Variants in UBE2F observed in about 807,000 individuals in gnomAD.
UBE2F encodes the protein ubiquitin conjugating enzyme E2 F (putative).
A neutral mutation model predicts 29.6 loss-of-function variants in UBE2F; 5 were observed. The observed-to-expected ratio is 0.17, with a 90% CI of 0.09 to 0.36. The LOEUF is 0.36. Ranked by LOEUF, UBE2F falls within the 10% of genes least tolerant of loss-of-function variation. The pLI, the probability that UBE2F is intolerant of heterozygous loss-of-function variation, is 1.00. For missense variants in UBE2F, 141 were observed against 228.5 expected (o/e 0.62, Z 2.47); for synonymous variants, 66 against 81.8 (o/e 0.81, Z 1.04).
chr2:237,997,336 T>C (rs2063712323), intron 4 of UBE2F, among the ~76,000 whole-genome samples: 1 of 152,266 alleles, frequency 6.6e-6, no homozygotes, highest in Admixed American at 6.5e-5. Context: ...CATTGAGCTG[T>C]GCACAGCATG....
chr2:238,034,055 C>T (rs1449183629), intron 8 of UBE2F, among the ~76,000 whole-genome samples: 5 of 151,884 alleles, frequency 3.3e-5, no homozygotes, highest in Admixed American at 3.3e-4. Context: ...CTCCTTGGCT[C>T]TGAATAGGTT....
intron 1 of UBE2F, among the ~76,000 whole-genome samples, chr2:237,969,410 C>T (rs1244895796): frequency 6.6e-6 from 1 of 152,190 alleles, no homozygotes; most frequent in Non-Finnish European, 1.5e-5. Flanking sequence ...GGCCCTGGTG[C>T]TTGCTGTTCT....
At chr2:238,039,945 G>A (rs1401312216) in intron 9 of UBE2F, among the ~76,000 whole-genome samples, 3 of 152,196 alleles carry the variant, frequency 2.0e-5, no homozygotes, top group Non-Finnish European at 4.4e-5. Flanking sequence ...TTGTGGAAAT[G>A]GCCTTGAGAA....
At chr2:237,971,960 T>C (rs1284667466) in intron 1 of UBE2F, among the ~76,000 whole-genome samples, 2 of 152,168 alleles carry the variant, frequency 1.3e-5, no homozygotes, top group African/African-American at 4.8e-5. Flanking sequence ...AAATAAAATC[T>C]TAAACAAATT....
chr2:238,041,173 G>T, intron 9 of UBE2F, 115 bp from the exon 10 acceptor site: 2 of 981,348 alleles, frequency 2.0e-6, no homozygotes, highest in Non-Finnish European at 3.2e-6. Flanking sequence ...CTACCACCTT[G>T]GCGACCACAG....
intron 2 of UBE2F, among the ~76,000 whole-genome samples, chr2:237,977,613 C>A (rs1458755108): frequency 1.3e-5 from 2 of 152,166 alleles, no homozygotes; most frequent in Non-Finnish European, 2.9e-5. Flanking sequence ...TGGTGGCAGT[C>A]TGGCCTTCTA....
At chr2:237,975,157 A>G (rs1576588536) in intron 2 of UBE2F, among the ~76,000 whole-genome samples, 4 of 151,510 alleles carry the variant, frequency 2.6e-5, no homozygotes, top group Admixed American at 2.6e-4. Flanking sequence ...CCTGGAGTGC[A>G]GTGGCGTAAT....
In UBE2F at chr2:237,999,761, C is replaced by T. The variant is rs140796506; in HGVS notation, c.214+4952C>T. Among the ~76,000 whole-genome samples, 37 of 151,010 alleles carry T rather than the reference C, an allele frequency of 2.5e-4. No homozygotes were observed. In the East Asian group the frequency reaches 6.0e-3, roughly 24 times the overall value. ...GCCCGTACCACACTGTTTTAATTGT[C>T]GTAGCTTTATATAGTACTTATTTTG... On this transcript the variant is annotated intron_variant, in intron 4 of 9. Transcript: ENST00000272930.
chr2:237,974,022 G>A (rs553095562), intron 2 of UBE2F, among the ~76,000 whole-genome samples: 1 of 152,158 alleles, frequency 6.6e-6, no homozygotes, highest in African/African-American at 2.4e-5. Context: ...TTGAGACAGA[G>A]TCTCACTCTC....
chr2:238,021,500 T>C (rs1047422162), intron 5 of UBE2F, among the ~76,000 whole-genome samples: 1 of 152,254 alleles, frequency 6.6e-6, no homozygotes, highest in African/African-American at 2.4e-5. Context: ...GGGGCGATGC[T>C]ACACATAGTC....
intron 4 of UBE2F, among the ~76,000 whole-genome samples, chr2:237,999,987 G>A (rs1288108721): frequency 6.6e-6 from 1 of 151,988 alleles, no homozygotes; most frequent in Non-Finnish European, 1.5e-5. Flanking sequence ...ACCATACCCA[G>A]CTAATTTTTA....
chr2:237,990,264 TG>T (rs1305518503), intron 3 of UBE2F, among the ~76,000 whole-genome samples: 1 of 151,466 alleles, frequency 6.6e-6, no homozygotes, highest in African/African-American at 2.4e-5. Context: ...ATGTTGAAGC[TG>T]GGGGATGGGT....
chr2:238,011,500 C>A (rs905989388), intron 4 of UBE2F, among the ~76,000 whole-genome samples: 1 of 152,240 alleles, frequency 6.6e-6, no homozygotes, highest in Non-Finnish European at 1.5e-5. Context: ...CGGGAATTAT[C>A]TCTTGTTGAT....
intron 1 of UBE2F, among the ~76,000 whole-genome samples, chr2:237,968,538 G>T (rs1191381077): frequency 6.6e-6 from 1 of 152,192 alleles, no homozygotes; most frequent in Non-Finnish European, 1.5e-5. Flanking sequence ...CCATTCGGAA[G>T]GAATTGTAAA....
rs1055288522 is a variant in UBE2F, at chr2:237,967,508, G to C, written c.-17+376G>C. Reference sequence around the variant, plus strand: ...GCGCTCACGCCCCACTCGCGGGATCGGCTGCCTGCCTTGTACGGAGGAAGC... The same window carrying C: ...GCGCTCACGCCCCACTCGCGGGATCCGCTGCCTGCCTTGTACGGAGGAAGC... On this transcript the variant is annotated intron_variant, in intron 1 of 9. Transcript: ENST00000272930. The surrounding 1 kb of genome is among the most constrained non-coding windows in gnomAD (Gnocchi z 6.3). Among the ~76,000 whole-genome samples the C allele has an allele frequency of 3.9e-5, 6 of 152,084 alleles. No homozygotes were observed. The highest frequency in any genetic ancestry group is 8.8e-5 in the Non-Finnish European group (6 of 67,986).
At chr2:237,977,261 C>A (rs541637563) in intron 2 of UBE2F, among the ~76,000 whole-genome samples, 24 of 152,272 alleles carry the variant, frequency 1.6e-4, no homozygotes, top group Admixed American at 3.9e-4. Flanking sequence ...AGGTGCAGAG[C>A]CAACGCTTGA....
chr2:237,972,056 G>A (rs916922515), intron 1 of UBE2F, among the ~76,000 whole-genome samples: 6 of 152,240 alleles, frequency 3.9e-5, no homozygotes, highest in Non-Finnish European at 8.8e-5. Flanking sequence ...GCTTGCAGCA[G>A]GGGAACCTGC....
intron 4 of UBE2F, among the ~76,000 whole-genome samples, chr2:238,015,618 G>A (rs1032181907): frequency 6.6e-6 from 1 of 151,688 alleles, no homozygotes; most frequent in African/African-American, 2.4e-5. Flanking sequence ...ACTTGTTTGA[G>A]GCTAACAACT....
chr2:238,021,326 C>T (rs1443010886), intron 5 of UBE2F, among the ~76,000 whole-genome samples: 1 of 152,192 alleles, frequency 6.6e-6, no homozygotes, highest in Non-Finnish European at 1.5e-5. Context: ...CCTGAACTCC[C>T]ACTCTCCCTT....
Sources: allele counts gnomAD v4.1 joint callset (sites outside exome capture counted in the v4.1 genomes callset), GRCh38; gene constraint gnomAD v4.1.1; non-coding constraint Gnocchi (gnomAD v3.1); transcripts MANE v1.5; gene names NCBI Gene and HGNC (gene_info 2026-07-23, HGNC 2026-07-21).